IRAK2: variants seen among roughly 807,000 people sequenced by gnomAD.
IRAK2 encodes the protein interleukin 1 receptor associated kinase 2, also known as interleukin-1 receptor-associated kinase-like 2.
A neutral mutation model predicts 72.0 loss-of-function variants in IRAK2; 57 were observed. That is an observed-to-expected ratio of 0.79 (90% confidence interval 0.64 to 0.99). IRAK2 has a LOEUF of 0.99. IRAK2 is among the 50% of genes least tolerant of loss of function. IRAK2 has a pLI of 0.00. For synonymous variants in IRAK2, 293 were observed against 312.7 expected (o/e 0.94, Z 0.67); for missense variants, 790 against 794.4 (o/e 0.99, Z 0.07).
intron 2 of IRAK2, among the ~76,000 whole-genome samples, chr3:10,194,609 C>T (rs1379908248): frequency 7.9e-5 from 12 of 152,074 alleles, no homozygotes; most frequent in Non-Finnish European, 1.6e-4. Flanking sequence ...AATGAGTGGG[C>T]GTTGCGTCTT....
At chr3:10,219,035 G>A (rs1026161186) in intron 7 of IRAK2, among the ~76,000 whole-genome samples, 11 of 152,044 alleles carry the variant, frequency 7.2e-5, no homozygotes, top group African/African-American at 2.4e-4. Context: ...CTGTCTCCAC[G>A]AAAAATACAA....
chr3:10,192,289 T>C (rs1443223219), intron 2 of IRAK2, among the ~76,000 whole-genome samples: 1 of 151,736 alleles, frequency 6.6e-6, no homozygotes, highest in Non-Finnish European at 1.5e-5. Flanking sequence ...GCGTGAAGGG[T>C]TGGGGGGAAT....
intron 12 of IRAK2, 71 bp from the exon 13 acceptor site, chr3:10,242,045 G>T: frequency 2.4e-6 from 2 of 847,132 alleles, no homozygotes; most frequent in Non-Finnish European, 1.9e-6. Context: ...CCTGATTTAA[G>T]TGACTTTAAG....
intron 11 of IRAK2, among the ~76,000 whole-genome samples, chr3:10,237,805 C>CAAAAAAAA (rs751642671): frequency 3.6e-5 from 2 of 55,766 alleles, no homozygotes; most frequent in Non-Finnish European, 8.2e-5. Context: ...GACTCTGTCT[C>CAAAAAAAA]AAAAAAAAAA....
chr3:10,204,680 C>A (rs113812169), intron 3 of IRAK2, among the ~76,000 whole-genome samples: 1 of 151,822 alleles, frequency 6.6e-6, no homozygotes, highest in Admixed American at 6.6e-5. Flanking sequence ...ACCTGGGAGG[C>A]GGAGGTTGCA....
In IRAK2 at chr3:10,241,887, C is replaced by T. The variant is rs1404820781; in HGVS notation, c.1766-229C>T. On this transcript the variant is annotated intron_variant, in intron 12 of 12. Transcript: ENST00000256458. The stretch of plus-strand genomic sequence containing the variant: ...ACTCCGGAGACTGAGGTGGGAGGAT[C>T]ACCTGAACCTGTGAGGTCAAGGTTG... Among the ~76,000 whole-genome samples, 3 of 144,568 alleles carry T rather than the reference C, an allele frequency of 2.1e-5. No homozygotes were observed. The Admixed American group carries it at 2.1e-4, about 10-fold the overall frequency. 94.8% of individuals were successfully genotyped at this position (144,568 alleles called of 152,430 possible).
intron 11 of IRAK2, among the ~76,000 whole-genome samples, chr3:10,236,730 C>T (rs1031294211): frequency 5.9e-5 from 9 of 152,080 alleles, no homozygotes; most frequent in Non-Finnish European, 8.8e-5. Context: ...ATTATTCTTT[C>T]AGTAAGACTT....
At chr3:10,226,346 C>T in intron 9 of IRAK2, 25 bp from the exon 10 acceptor site, 1 of 1,605,356 alleles carries the variant, frequency 6.2e-7, no homozygotes, top group Non-Finnish European at 8.5e-7. Flanking sequence ...CTGAACCATG[C>T]TAACTCACGT....
At chr3:10,227,675 G>GTT (rs561705376) in intron 10 of IRAK2, among the ~76,000 whole-genome samples, 14 of 147,486 alleles carry the variant, frequency 9.5e-5, no homozygotes, top group East Asian at 4.2e-4. Context: ...TTTTTTTTTT[G>GTT]TTTTTGTTTT....
chr3:10,239,091 T>A, intron 12 of IRAK2, 52 bp downstream of exon 12: 1 of 1,457,604 alleles, frequency 6.9e-7, no homozygotes, highest in Non-Finnish European at 9.2e-7. Context: ...GTCCCCAACT[T>A]CAGCCCATCA....
intron 6 of IRAK2, among the ~76,000 whole-genome samples, chr3:10,215,315 G>T (rs1263831701): frequency 6.8e-6 from 1 of 146,794 alleles, no homozygotes; most frequent in Non-Finnish European, 1.5e-5. Flanking sequence ...AATCACTTGA[G>T]CCCAGAAAGT....
chr3:10,200,282 C>G (rs971806823), intron 2 of IRAK2, 87 bp from the exon 3 acceptor site: 25 of 1,196,750 alleles, frequency 2.1e-5, no homozygotes, highest in Non-Finnish European at 2.9e-5. Flanking sequence ...AGAATTAGAA[C>G]CCAGGTCTCT....
intron 2 of IRAK2, among the ~76,000 whole-genome samples, chr3:10,190,255 G>A (rs1010440863): frequency 2.1e-5 from 3 of 143,878 alleles, no homozygotes; most frequent in Non-Finnish European, 3.0e-5. Context: ...CAAAGCATAC[G>A]AGATGGTGAG....
chr3:10,207,708 C>T (rs888624279), intron 3 of IRAK2, among the ~76,000 whole-genome samples: 1 of 152,160 alleles, frequency 6.6e-6, no homozygotes, highest in Non-Finnish European at 1.5e-5. Flanking sequence ...GGGGCATAGA[C>T]ATGGCCAAGC....
In IRAK2 at chr3:10,200,492, G is replaced by A. The variant is rs1244626242; in HGVS notation, c.401G>A (p.Arg134Lys). 1 of 1,580,780 alleles carries A rather than the reference G, an allele frequency of 6.3e-7. No homozygotes were observed. The highest frequency in any genetic ancestry group is 1.4e-5 in the African/African-American group (1 of 73,724). The change falls in exon 3 of 13, where the codon AGG (arginine) becomes AAG (lysine). Residue 134 changes from arginine (R) to lysine (K), a missense_variant. Coordinates refer to ENST00000256458, the MANE Select transcript of IRAK2 (RefSeq NM_001570.4). ...GAACAGGAAGAGGGGCAGCCTGTGA[G>A]GATGGCCACCTTTCCAGGCCCAGGT... ...EDEQEEGQPV[R>K]MATFPGPGSS...
chr3:10,200,032 C>T (rs183298321), intron 2 of IRAK2, among the ~76,000 whole-genome samples: 21 of 152,054 alleles, frequency 1.4e-4, no homozygotes, highest in African/African-American at 4.6e-4. Context: ...AGACTACAGC[C>T]GTGTGCCACC....
intron 1 of IRAK2, among the ~76,000 whole-genome samples, chr3:10,172,807 C>T (rs1448690690): frequency 1.2e-4 from 16 of 136,220 alleles, no homozygotes; most frequent in African/African-American, 4.1e-4. Flanking sequence ...CACTGCACTC[C>T]AGCCTGGGCA....
rs1231215231 is a variant in IRAK2 at position 10,177,688 on chromosome 3, T to A, written c.95-150T>A. The A allele has an allele frequency of 1.7e-5, 13 of 750,146 alleles. No homozygotes were observed. In the Admixed American group the frequency reaches 2.6e-4, roughly 15 times the overall value. The allele number at this position is 750,146 out of a possible 1,614,324, so 46.5% of individuals were successfully genotyped here. On this transcript the variant is annotated intron_variant, in intron 1 of 12. Transcript: ENST00000256458. ...AGTCAGCGTTGTAACTTGGGCCACC[T>A]GTGGACCTCAGCTAATGGTGGTGTT...
intron 12 of IRAK2, among the ~76,000 whole-genome samples, chr3:10,241,076 G>T (rs920098937): frequency 6.6e-6 from 1 of 151,766 alleles, no homozygotes; most frequent in African/African-American, 2.4e-5. Flanking sequence ...GGAAGGCCAG[G>T]GTAGGTTGCA....
Sources: allele counts gnomAD v4.1 joint callset (sites outside exome capture counted in the v4.1 genomes callset), GRCh38; gene constraint gnomAD v4.1.1; transcripts MANE v1.5; gene names NCBI Gene and HGNC (gene_info 2026-07-23, HGNC 2026-07-21).